The following IQSEC2 variants were observed in gnomAD, a reference collection of about 807,000 sequenced individuals.
IQSEC2 encodes the protein IQ motif and SEC7 domain-containing protein 2.
IQSEC2 carries 6 observed loss-of-function variants against 74.6 expected under a neutral mutation model. The observed-to-expected ratio is 0.08, with a 90% CI of 0.04 to 0.16. The LOEUF (loss-of-function observed/expected upper bound fraction) is 0.16. IQSEC2 is among the 10% of genes least tolerant of loss of function. IQSEC2 has a pLI of 1.00. For missense variants in IQSEC2, 734 were observed against 1,306.2 expected (o/e 0.56, Z 6.75); for synonymous variants, 494 against 544.5 (o/e 0.91, Z 1.29).
chrX:53,321,191 C>T lies in IQSEC2; in HGVS notation c.-68G>A. 3.0e-6 allele frequency: 2 copies of T among 675,419 alleles called. No homozygotes were observed. The highest frequency in any genetic ancestry group is 4.2e-6 in the Non-Finnish European group (2 of 473,552). The allele number at this position is 675,419 out of a possible 1,213,427, so 55.7% of individuals were successfully genotyped here. A position where few individuals can be genotyped will look rare whatever the true frequency, so the allele number is the denominator to read the frequency against. ...CCCCGCTCTCTCACGGCGCCACCCT[C>T]CCCCGGGCCCAGCCGGGGGAGGGGG... On this transcript the variant is annotated 5_prime_UTR_variant, in exon 1 of 15. Coordinates refer to ENST00000642864, the MANE Select transcript of IQSEC2 (RefSeq NM_001111125.3).
intron 2 of IQSEC2, chrX:53,267,016 A>G (rs1556867841): frequency 1.7e-6 from 2 of 1,153,570 alleles, no homozygotes; most frequent in African/African-American, 3.6e-5. Flanking sequence ...AGAACTGGTG[A>G]GCGTCTTCCT....
At chrX:53,286,456 A>C (rs2075026278) in intron 2 of IQSEC2, among the ~76,000 whole-genome samples, 1 of 111,897 alleles carries the variant, frequency 8.9e-6, no homozygotes, top group South Asian at 3.7e-4. Flanking sequence ...CCTCTCATCC[A>C]ATTCTGAGGG....
At chrX:53,273,012 C>G (rs892749270) in intron 2 of IQSEC2, among the ~76,000 whole-genome samples, 1 of 111,104 alleles carries the variant, frequency 9.0e-6, no homozygotes, top group Non-Finnish European at 1.9e-5. Context: ...TGGCATTAGC[C>G]GCATTACATA....
At chrX:53,264,565 G>C (rs937794274) in intron 2 of IQSEC2, among the ~76,000 whole-genome samples, 24 of 108,438 alleles carry the variant, frequency 2.2e-4, no homozygotes, top group Non-Finnish European at 4.4e-4. Context: ...AATAAACAGA[G>C]TAATGTACCC....
At chrX:53,238,842 C>G (rs1393394858) in intron 11 of IQSEC2, among the ~76,000 whole-genome samples, 1 of 110,224 alleles carries the variant, frequency 9.1e-6, no homozygotes, top group African/African-American at 3.3e-5. Context: ...ACTGCTCTCT[C>G]GAAACCCTTT....
chrX:53,250,173 G>T (rs1569301423), intron 5 of IQSEC2, 106 bp downstream of exon 5: 2 of 909,292 alleles, frequency 2.2e-6, no homozygotes, highest in Non-Finnish European at 3.2e-6. Context: ...TCCACAAAAT[G>T]AAAGGATGGC....
chrX:53,279,848 A>C (rs1232239377), intron 2 of IQSEC2: 9 of 208,651 alleles, frequency 4.3e-5, no homozygotes, highest in Non-Finnish European at 5.4e-5. Flanking sequence ...GAAGGAAGAT[A>C]AGGGAGAAAG....
chrX:53,266,181 T>G (rs1369296947), intron 2 of IQSEC2: 1 of 130,473 alleles, frequency 7.7e-6, no homozygotes, highest in African/African-American at 3.2e-5. Context: ...ATTTATTGAG[T>G]GCCTCCTGGG....
At position 53,274,452 on chromosome X, in the gene IQSEC2, C is replaced by CTTTTTTTTTTTT. The variant is rs66510453; in HGVS notation, c.737+17431_737+17442dup. 1.5e-4 allele frequency among the ~76,000 whole-genome samples: 7 copies of CTTTTTTTTTTTT among 47,113 alleles called. 1 individual carries two copies. The highest frequency in any genetic ancestry group is 5.8e-4 in the African/African-American group (6 of 10,281). The allele number at this position is 47,113 out of a possible 115,157, so 40.9% of individuals were successfully genotyped here. On this transcript the variant is annotated intron_variant, in intron 2 of 14. Transcript: ENST00000642864. Reference sequence around the variant, plus strand: ...GCACTTCATTGCTTTAGTTACATTTCTTTTTTTTTTTTTTTTTTTTTTTTT... The same window carrying CTTTTTTTTTTTT: ...GCACTTCATTGCTTTAGTTACATTTCTTTTTTTTTTTTTTTTTTTTTTTTTTTTTTTTTTTTT...
rs2074656675 is a variant in IQSEC2 at position 53,266,380 on chromosome X, TC to T, written c.738-10320del. ...TTCCTTTGTACACAGCAACACGCAC[TC>T]TGAGAGGCCTTTTCCTCCTGATAAT... is the stretch of plus-strand genomic sequence containing the variant. On this transcript the variant is annotated intron_variant, in intron 2 of 14. Coordinates refer to ENST00000642864, the MANE Select transcript of IQSEC2 (RefSeq NM_001111125.3). 4 of 753,903 alleles carry T rather than the reference TC, an allele frequency of 5.3e-6. No homozygotes were observed. The South Asian group carries it at 2.7e-4, about 51-fold the overall frequency. The allele number at this position is 753,903 out of a possible 1,213,427, so 62.1% of individuals were successfully genotyped here.
chrX:53,230,967 A>G (rs2074062019), downstream of IQSEC2: 1 of 112,483 alleles, frequency 8.9e-6, no homozygotes. Context: ...TGAAGGAAGC[A>G]TGAGGAGCTC....
rs782216162 is a variant in IQSEC2 at position 53,303,991 on chromosome X, C to T, written c.708-12067G>A. 9.1e-5 allele frequency among the ~76,000 whole-genome samples: 10 copies of T among 109,614 alleles called. No homozygotes were observed. The East Asian group carries it at 2.6e-3, about 28-fold the overall frequency. On this transcript the variant is annotated intron_variant, in intron 1 of 14. Coordinates refer to ENST00000642864, the MANE Select transcript of IQSEC2 (RefSeq NM_001111125.3). ...TAAAAATACAAAAAAATTAGCTGGG[C>T]GTGGTGGTGGGCGCGGTGCCTGTAA...
chrX:53,237,536 A>C (rs2074153365), intron 12 of IQSEC2: 1 of 116,101 alleles, frequency 8.6e-6, no homozygotes, highest in African/African-American at 3.3e-5. Flanking sequence ...CATCGGGAGG[A>C]ATGAGATGTA....
chrX:53,231,473 G>A (rs1170901615), downstream of IQSEC2: 1 of 111,462 alleles, frequency 9.0e-6, no homozygotes, highest in Non-Finnish European at 1.9e-5. Flanking sequence ...CAAGATAAGG[G>A]GTTTCTGTAG....
chrX:53,249,376 G>A (rs2074351958), intron 5 of IQSEC2, among the ~76,000 whole-genome samples: 1 of 111,419 alleles, frequency 9.0e-6, no homozygotes, highest in African/African-American at 3.3e-5. Flanking sequence ...CAGGGAGCTG[G>A]GCCAAAATCT....
At chrX:53,238,419 A>T (rs1264597196) in intron 11 of IQSEC2, 113 bp from the exon 12 acceptor site, 1 of 759,464 alleles carries the variant, frequency 1.3e-6, no homozygotes, top group African/African-American at 2.1e-5. Context: ...TCTCTCTGTC[A>T]CCCAGGCTGG....
In IQSEC2 at chrX:53,243,626, G is replaced by A. The variant is rs187758973; in HGVS notation, c.2750-155C>T. ...CCCTTAGCCAGGATTGGGGCAGGGA[G>A]GGTGTCCTTCAGTACAACAGCCAGT... On this transcript the variant is annotated intron_variant, in intron 8 of 14. Transcript: ENST00000642864. 3.0e-3 allele frequency among the ~76,000 whole-genome samples: 334 copies of A among 111,940 alleles called. 1 individual carries two copies. Among genetic ancestry groups the A allele is most frequent in the African/African-American group, 0.01 (312 of 30,742 alleles).
intron 10 of IQSEC2, among the ~76,000 whole-genome samples, chrX:53,241,335 G>A (rs1326898688): frequency 9.0e-6 from 1 of 110,690 alleles, no homozygotes; most frequent in Non-Finnish European, 1.9e-5. Flanking sequence ...CAAAACTCCT[G>A]GGCTCAAGTG....
chrX:53,253,362 T>C (rs1185194524), intron 4 of IQSEC2, among the ~76,000 whole-genome samples: 1 of 112,133 alleles, frequency 8.9e-6, no homozygotes, highest in Non-Finnish European at 1.9e-5. Context: ...TCAGTGTGGT[T>C]AAACAGTTTG....
Sources: gnomAD v4.1 joint callset for allele counts (sites outside exome capture counted in the v4.1 genomes callset) on GRCh38, gnomAD v4.1.1 for gene constraint, MANE v1.5 for transcripts, NCBI Gene and HGNC (gene_info 2026-07-23, HGNC 2026-07-21) for gene names.